The following SPOP variants were observed in gnomAD, a reference collection of about 807,000 sequenced individuals.
SPOP encodes speckle-type POZ protein.
In SPOP, 11 loss-of-function variants were observed where a neutral mutation model predicts 45.6. That is an observed-to-expected ratio of 0.24 (90% confidence interval 0.15 to 0.40). The LOEUF (loss-of-function observed/expected upper bound fraction) is 0.40, where lower values mean the gene tolerates loss of function less well. Ranked by LOEUF, SPOP falls within the 10% of genes least tolerant of loss-of-function variation. SPOP has a pLI of 1.00. For missense variants in SPOP, 152 were observed against 465.6 expected (o/e 0.33, Z 6.20); for synonymous variants, 166 against 166.3 (o/e 1.00, Z 0.01).
chr17:49,627,642 T>C (rs1166311875), intron 1 of SPOP, among the ~76,000 whole-genome samples: 2 of 152,190 alleles, frequency 1.3e-5, no homozygotes, highest in Non-Finnish European at 2.9e-5. Context: ...TTATGAATTA[T>C]CTAAGCCCAG....
intron 8 of SPOP, chr17:49,602,382 G>C (rs2071756734): frequency 1.1e-5 from 2 of 181,144 alleles, no homozygotes; most frequent in Non-Finnish European, 2.3e-5. Flanking sequence ...ACGTCAACAG[G>C]GCAACTCAAT....
intron 1 of SPOP, among the ~76,000 whole-genome samples, chr17:49,657,006 C>T (rs2072921215): frequency 6.6e-6 from 1 of 151,928 alleles, no homozygotes; most frequent in Non-Finnish European, 1.5e-5. Flanking sequence ...ACAGTGAAAT[C>T]CCGTCTCTAC....
Position 49,598,989 on chromosome 17 carries a change from G to C in SPOP, c.*1389C>G, listed in dbSNP as rs973888146. 7 of 199,444 alleles carry C rather than the reference G, an allele frequency of 3.5e-5. No individual in the cohort carries two copies. The highest frequency in any genetic ancestry group is 1.9e-4 in the South Asian group (1 of 5,236). 12.4% of individuals were successfully genotyped at this position (199,444 alleles called of 1,614,324 possible). On this transcript the variant is annotated 3_prime_UTR_variant, in exon 10 of 10. Coordinates refer to ENST00000504102, the MANE Select transcript of SPOP (RefSeq NM_001007228.2). ...GTGGGGATTAGGTCTTAAAACATAC[G>C]GGGGGCAGTTTAAAAGCCCACTACC...
chr17:49,605,570 A>C (rs1473144386), intron 8 of SPOP, among the ~76,000 whole-genome samples: 2 of 151,958 alleles, frequency 1.3e-5, no homozygotes, highest in Non-Finnish European at 2.9e-5. Flanking sequence ...CATGCCTGTA[A>C]TCTCAGCTAC....
chr17:49,637,873 G>A (rs1224056330), intron 1 of SPOP, among the ~76,000 whole-genome samples: 1 of 152,228 alleles, frequency 6.6e-6, no homozygotes, highest in Non-Finnish European at 1.5e-5. Context: ...TGTATCCTAT[G>A]GTTTTCTGTT....
chr17:49,621,860 A>G lies in SPOP; in HGVS notation c.200+86T>C. 1.4e-6 allele frequency: 2 copies of G among 1,470,092 alleles called. 1 individual carries two copies. The highest frequency in any genetic ancestry group is 4.0e-4 in the Middle Eastern group (2 of 4,964). 91.1% of individuals were successfully genotyped at this position (1,470,092 alleles called of 1,614,324 possible). A position where few individuals can be genotyped will look rare whatever the true frequency, so the allele number is the denominator to read the frequency against. Reference sequence around the variant, plus strand: ...AAACAAAAGTCCTGGCCTTCATGGAAATTACATTCTTGTCAGTGTCCCATA... The same window carrying G: ...AAACAAAAGTCCTGGCCTTCATGGAGATTACATTCTTGTCAGTGTCCCATA... On this transcript the variant is annotated intron_variant, in intron 3 of 9. Transcript: ENST00000504102.
At chr17:49,634,037 A>C (rs2072499661) in intron 1 of SPOP, among the ~76,000 whole-genome samples, 1 of 152,104 alleles carries the variant, frequency 6.6e-6, no homozygotes, top group African/African-American at 2.4e-5. Flanking sequence ...AAAACAGAAA[A>C]AGAGAAAATA....
intron 5 of SPOP, among the ~76,000 whole-genome samples, chr17:49,615,108 C>A (rs996434760): frequency 2.0e-5 from 3 of 152,112 alleles, no homozygotes; most frequent in Non-Finnish European, 4.4e-5. Context: ...ATCCTCCTAC[C>A]TTGGCCTCCG....
At chr17:49,626,885 TC>T (rs1193188919) in intron 1 of SPOP, among the ~76,000 whole-genome samples, 4 of 152,108 alleles carry the variant, frequency 2.6e-5, no homozygotes, top group Non-Finnish European at 5.9e-5. Context: ...GGAATCTTTC[TC>T]TGTCGCCCAG....
At chr17:49,643,932 GAAAAA>G in intron 1 of SPOP, among the ~76,000 whole-genome samples, 1 of 98,416 alleles carries the variant, frequency 1.0e-5, no homozygotes. Flanking sequence ...CCGTCTCAAG[GAAAAA>G]AAAAAAAAAA....
chr17:49,673,497 C>G (rs983292389), intron 1 of SPOP, among the ~76,000 whole-genome samples: 46 of 151,874 alleles, frequency 3.0e-4, no homozygotes, highest in African/African-American at 1.1e-3. Context: ...CAGAGCAAGA[C>G]TCTGTCTCAG....
At chr17:49,601,484 T>C (rs190520692) in intron 9 of SPOP, 36 of 157,896 alleles carry the variant, frequency 2.3e-4, no homozygotes, top group Middle Eastern at 3.3e-3. Flanking sequence ...TCTTTTTTCC[T>C]TATTCTACAA....
chr17:49,673,482 G>A (rs2073163381), intron 1 of SPOP, among the ~76,000 whole-genome samples: 2 of 151,776 alleles, frequency 1.3e-5, no homozygotes, highest in Non-Finnish European at 2.9e-5. Flanking sequence ...CTCCAGCCTG[G>A]GTGACAGAGC....
intron 6 of SPOP, among the ~76,000 whole-genome samples, chr17:49,609,434 C>T (rs539163805): frequency 6.6e-6 from 1 of 152,182 alleles, no homozygotes; most frequent in Non-Finnish European, 1.5e-5. Flanking sequence ...TGAGGGTCCT[C>T]GGTAAATAGG....
chr17:49,612,368 A>G (rs1460034538), intron 5 of SPOP, among the ~76,000 whole-genome samples: 1 of 152,224 alleles, frequency 6.6e-6, no homozygotes, highest in South Asian at 2.1e-4. Context: ...TAGTAGTGAA[A>G]ACTGGGTGAG....
At chr17:49,616,137 T>C (rs1314388017) in intron 5 of SPOP, among the ~76,000 whole-genome samples, 1 of 152,198 alleles carries the variant, frequency 6.6e-6, no homozygotes, top group Non-Finnish European at 1.5e-5. Flanking sequence ...GTAGGGCACA[T>C]TATAAACAAG....
At chr17:49,621,236 A>G (rs1009689310) in intron 3 of SPOP, among the ~76,000 whole-genome samples, 1 of 152,238 alleles carries the variant, frequency 6.6e-6, no homozygotes, top group African/African-American at 2.4e-5. Flanking sequence ...CTGGCCACAC[A>G]GTTCAGAGAA....
chr17:49,615,232 G>T (rs1015454708), intron 5 of SPOP, among the ~76,000 whole-genome samples: 1 of 152,084 alleles, frequency 6.6e-6, no homozygotes, highest in African/African-American at 2.4e-5. Context: ...TTAGTGTCTG[G>T]ATATTTCACA....
intron 1 of SPOP, among the ~76,000 whole-genome samples, chr17:49,651,468 C>A (rs2072842191): frequency 6.6e-6 from 1 of 152,146 alleles, no homozygotes; most frequent in South Asian, 2.1e-4. Flanking sequence ...TATGGAGTTA[C>A]AAAGATAAAT....
Sources: allele counts gnomAD v4.1 joint callset (sites outside exome capture counted in the v4.1 genomes callset), GRCh38; gene constraint gnomAD v4.1.1; transcripts MANE v1.5; gene names NCBI Gene and HGNC (gene_info 2026-07-23, HGNC 2026-07-21).